The following ROR2 variants were observed in gnomAD, a reference collection of about 807,000 sequenced individuals.
ROR2 encodes ROR family WNT receptor 2.
In ROR2, 33 loss-of-function variants were observed where a neutral mutation model predicts 74.9. The observed-to-expected ratio is 0.44, with a 90% CI of 0.33 to 0.59. ROR2 has a LOEUF of 0.59. ROR2 is among the 20% of genes least tolerant of loss of function. The probability of loss-of-function intolerance (pLI) is 0.02; values close to 1 mark genes in which losing one functional copy is unlikely to be tolerated. For missense variants in ROR2, 1,216 were observed against 1,313.8 expected, an observed-to-expected ratio of 0.93 and a Z score of 1.15; for synonymous variants, 586 against 558.7, an observed-to-expected ratio of 1.05 and a Z score of -0.69.
At chr9:91,754,980 A>C (rs971984728) in intron 4 of ROR2, among the ~76,000 whole-genome samples, 1 of 152,082 alleles carries the variant, frequency 6.6e-6, no homozygotes, top group African/African-American at 2.4e-5. Context: ...GTGAGACCCC[A>C]TCTCTACAAA....
chr9:91,762,309 CT>C (rs1825937094), intron 2 of ROR2, among the ~76,000 whole-genome samples: 1 of 152,206 alleles, frequency 6.6e-6, no homozygotes, highest in Non-Finnish European at 1.5e-5. Context: ...GATCTTGCCA[CT>C]TTACTCAGCT....
intron 1 of ROR2, among the ~76,000 whole-genome samples, chr9:91,820,791 C>A (rs945744138): frequency 6.6e-6 from 1 of 152,118 alleles, no homozygotes; most frequent in African/African-American, 2.4e-5. Context: ...TCCACTATGA[C>A]CCATGGCTTT....
intron 1 of ROR2, among the ~76,000 whole-genome samples, chr9:91,916,414 G>T (rs1238707592): frequency 1.3e-5 from 2 of 152,170 alleles, no homozygotes; most frequent in South Asian, 2.1e-4. Flanking sequence ...GTCGCAGCCA[G>T]GCCAGCCCTG....
intron 1 of ROR2, among the ~76,000 whole-genome samples, chr9:91,937,016 C>T (rs1359298021): frequency 2.1e-5 from 2 of 93,488 alleles, no homozygotes; most frequent in Non-Finnish European, 4.0e-5. Flanking sequence ...GGCGACAGAG[C>T]GAGACTCCGT....
At chr9:91,787,335 A>C (rs1826836383) in intron 1 of ROR2, among the ~76,000 whole-genome samples, 1 of 152,090 alleles carries the variant, frequency 6.6e-6, no homozygotes, top group African/African-American at 2.4e-5. Flanking sequence ...ATATGCTGAA[A>C]CCCCATCTCT....
intron 1 of ROR2, among the ~76,000 whole-genome samples, chr9:91,854,066 G>A (rs1829198555): frequency 6.6e-6 from 1 of 152,176 alleles, no homozygotes; most frequent in South Asian, 2.1e-4. Flanking sequence ...TGCATGAGTA[G>A]GTTCCTGCTA....
At position 91,731,094 on chromosome 9, in the gene ROR2, T is replaced by C. The variant is rs567162170; in HGVS notation, c.999A>G (p.Ser333=). 6.2e-7 allele frequency: 1 copy of C among 1,614,108 alleles called. No homozygotes were observed. The highest frequency in any genetic ancestry group is 1.1e-5 in the South Asian group (1 of 91,074). Reference sequence around the variant, plus strand: ...GGGCCCACGGCTGGCACTGGTGGCCTGACTTGGTGGTGCTTGCCGTTCCTC... The same window carrying C: ...GGGCCCACGGCTGGCACTGGTGGCCCGACTTGGTGGTGCTTGCCGTTCCTC... The part of the protein sequence containing the change: ...DYRGTASTTK[S]GHQCQPWALQ... Residue 333 remains serine (S), a synonymous_variant, in exon 7 of 9, where the codon TCA becomes TCG. Transcript: ENST00000375708.
chr9:91,743,620 T>C (rs1475179511), intron 4 of ROR2, among the ~76,000 whole-genome samples: 2 of 147,202 alleles, frequency 1.4e-5, no homozygotes, highest in African/African-American at 5.0e-5. Flanking sequence ...ATCACAAGAG[T>C]ATCTAACAAG....
At chr9:91,866,417 C>CTTTTT (rs59024037) in intron 1 of ROR2, among the ~76,000 whole-genome samples, 4 of 103,910 alleles carry the variant, frequency 3.8e-5, no homozygotes, top group Non-Finnish European at 5.5e-5. Context: ...CACGCCCAGT[C>CTTTTT]TTTTTTTTTT....
At chr9:91,763,547 T>A (rs1825977073) in intron 2 of ROR2, among the ~76,000 whole-genome samples, 1 of 152,254 alleles carries the variant, frequency 6.6e-6, no homozygotes, top group South Asian at 2.1e-4. Context: ...GTTCGCATCT[T>A]ATGAATTCCT....
chr9:91,724,738 C>T lies in ROR2; in HGVS notation c.1756G>A (p.Ala586Thr), dbSNP rs142386294. 511 of 1,614,124 alleles carry T rather than the reference C, an allele frequency of 3.2e-4. 5 individuals are homozygous for T. The East Asian group carries it at 9.5e-3, about 30-fold the overall frequency. Reference protein sequence around the residue: ...STDDDRTVKSALEPPDFVHLV... With the variant: ...STDDDRTVKSTLEPPDFVHLV... ...TGCACGAAGTCGGGGGGCTCCAGGGCGGACTTCACCGTGCGGTCATCATCG... is the reference window on the plus strand; with the variant it reads ...TGCACGAAGTCGGGGGGCTCCAGGGTGGACTTCACCGTGCGGTCATCATCG... The change falls in exon 9 of 9, where the codon GCC becomes ACC. Residue 586 changes from alanine to threonine, a missense_variant. Ala to Thr is a moderately conservative substitution (Grantham distance 58, BLOSUM62 0). Coordinates refer to ENST00000375708, the MANE Select transcript of ROR2 (RefSeq NM_004560.4).
chr9:91,872,349 G>A (rs973915802), intron 1 of ROR2, among the ~76,000 whole-genome samples: 32 of 152,160 alleles, frequency 2.1e-4, no homozygotes, highest in African/African-American at 7.5e-4. Context: ...CGTTTTAACT[G>A]TGAATGATGC....
chr9:91,923,645 A>G (rs1831327958), intron 1 of ROR2: 1 of 152,254 alleles, frequency 6.6e-6, no homozygotes, highest in Admixed American at 6.5e-5. Flanking sequence ...TTTCTTTAGC[A>G]GTAATCAATA....
chr9:91,841,656 G>C (rs753864370), intron 1 of ROR2, among the ~76,000 whole-genome samples: 3 of 152,174 alleles, frequency 2.0e-5, no homozygotes, highest in Non-Finnish European at 4.4e-5. Flanking sequence ...GTGGGCTCCT[G>C]AGCAGCCTCC....
chr9:91,902,890 G>A (rs1357581025), intron 1 of ROR2, among the ~76,000 whole-genome samples: 2 of 152,104 alleles, frequency 1.3e-5, no homozygotes, highest in African/African-American at 4.8e-5. Context: ...CTTCTACAAG[G>A]TCCCTAGGGT....
At chr9:91,739,310 C>A (rs1825140432) in intron 4 of ROR2, among the ~76,000 whole-genome samples, 1 of 152,038 alleles carries the variant, frequency 6.6e-6, no homozygotes, top group Non-Finnish European at 1.5e-5. Flanking sequence ...AGATCGAGAC[C>A]AGTCTGGGCA....
At chr9:91,922,754 A>G (rs1421292298) in intron 1 of ROR2, among the ~76,000 whole-genome samples, 7 of 152,068 alleles carry the variant, frequency 4.6e-5, no homozygotes, top group Non-Finnish European at 1.0e-4. Context: ...CGCCCGACCA[A>G]GAATATTTTT....
At position 91,796,128 on chromosome 9, in the gene ROR2, G is replaced by A. The variant is rs181048175; in HGVS notation, c.98-20310C>T. 4.4e-4 allele frequency among the ~76,000 whole-genome samples: 67 copies of A among 152,260 alleles called. No homozygotes were observed. In the Middle Eastern group the frequency reaches 0.02, roughly 46 times the overall value. On this transcript the variant is annotated intron_variant, in intron 1 of 8. Coordinates refer to ENST00000375708, the MANE Select transcript of ROR2 (RefSeq NM_004560.4). ...ACTTGAGACTGAACACGTTCCCCAG[G>A]GAAGATCTGTATGCTTCTAAAGAAC...
At chr9:91,854,298 G>A (rs1829206047) in intron 1 of ROR2, among the ~76,000 whole-genome samples, 1 of 152,218 alleles carries the variant, frequency 6.6e-6, no homozygotes, top group South Asian at 2.1e-4. Context: ...CTGTGACCAA[G>A]TCACAAGGGC....
Sources: gnomAD v4.1 joint callset for allele counts (sites outside exome capture counted in the v4.1 genomes callset) on GRCh38, gnomAD v4.1.1 for gene constraint, MANE v1.5 for transcripts, NCBI Gene and HGNC (gene_info 2026-07-23, HGNC 2026-07-21) for gene names.